The following ARHGEF2 variants were observed in gnomAD, a reference collection of about 807,000 sequenced individuals.
ARHGEF2 encodes rho guanine nucleotide exchange factor 2.
A neutral mutation model predicts 121.0 loss-of-function variants in ARHGEF2; 22 were observed. The observed-to-expected ratio is 0.18, with a 90% CI of 0.13 to 0.26. The LOEUF is 0.26. ARHGEF2 is among the 10% of genes least tolerant of loss of function. The pLI is 1.00. For synonymous variants in ARHGEF2, 487 were observed against 530.0 expected (o/e 0.92, Z 1.11); for missense variants, 907 against 1,336.0 (o/e 0.68, Z 5.01).
At chr1:155,957,558 T>C (rs1676941392) in intron 13 of ARHGEF2, among the ~76,000 whole-genome samples, 155 bp downstream of exon 13, 1 of 152,212 alleles carries the variant, frequency 6.6e-6, no homozygotes, top group African/African-American at 2.4e-5. Flanking sequence ...AGAACATAGG[T>C]GACCTTTCCA....
At chr1:155,964,622 G>C (rs915242660) in intron 7 of ARHGEF2, among the ~76,000 whole-genome samples, 2 of 151,986 alleles carry the variant, frequency 1.3e-5, no homozygotes, top group Admixed American at 6.6e-5. Context: ...GTAGGGGCTG[G>C]TAGAAAGAAG....
In ARHGEF2 at chr1:155,961,776, A is replaced by G. The variant is rs762747994; in HGVS notation, c.1353T>C (p.Pro451=). The change falls in exon 11 of 22, where the codon CCT becomes CCC. Residue 451 remains proline, a synonymous_variant. Coordinates refer to ENST00000361247, the MANE Select transcript of ARHGEF2 (RefSeq NM_001162383.2). This position sits in a 1 kb window ranked among gnomAD's most constrained non-coding sequence, Gnocchi z 4.7. ...RLQEIYNRMD[P]RAQTPVPGKG... is the part of the protein sequence containing the mutation. ...TGCCAGGCACTGGGGTTTGGGCCCG[A>G]GGGTCCATGCGGTTGTAGATCTCCT... 6.2e-7 allele frequency: 1 copy of G among 1,614,174 alleles called. No individual in the cohort carries two copies. Among genetic ancestry groups the G allele is most frequent in the Non-Finnish European group, 8.5e-7 (1 of 1,180,024 alleles).
At chr1:155,963,679 T>A (rs551054342) in intron 7 of ARHGEF2, among the ~76,000 whole-genome samples, 119 of 150,530 alleles carry the variant, frequency 7.9e-4, no homozygotes, top group South Asian at 1.5e-3. Context: ...ATTATTATTT[T>A]TTTTTTTCCA....
chr1:155,960,429 C>T (rs1453521793), intron 11 of ARHGEF2, among the ~76,000 whole-genome samples: 1 of 151,010 alleles, frequency 6.6e-6, no homozygotes, highest in East Asian at 1.9e-4. Context: ...GACTGCACCA[C>T]TGCACCCCAG....
intron 1 of ARHGEF2, among the ~76,000 whole-genome samples, chr1:155,973,449 A>C (rs1195825848): frequency 1.3e-5 from 2 of 152,234 alleles, no homozygotes; most frequent in African/African-American, 4.8e-5. Context: ...CTTTTGGGAA[A>C]GAAAGACAGG....
chr1:155,954,125 C>CCA lies in ARHGEF2; in HGVS notation c.1783+776_1783+777insTG, dbSNP rs1676100635. Reference sequence around the variant, plus strand: ...TACAGGTGTGTACCATCATGCCTAGCTATTTTTTTTTTTTTAATTTTTTGT... The same window carrying CCA: ...TACAGGTGTGTACCATCATGCCTAGCCATATTTTTTTTTTTTTAATTTTTTGT... On this transcript the variant is annotated intron_variant, in intron 14 of 21. Coordinates refer to ENST00000361247, the MANE Select transcript of ARHGEF2 (RefSeq NM_001162383.2). Among the ~76,000 whole-genome samples the CCA allele has an allele frequency of 1.1e-4, 5 of 46,792 alleles. No homozygotes were observed. The Admixed American group carries it at 1.8e-3, about 17-fold the overall frequency. The allele number at this position is 46,792 out of a possible 152,430, so 30.7% of individuals were successfully genotyped here.
chr1:155,958,473 G>A, intron 11 of ARHGEF2, 77 bp from the exon 12 acceptor site: 14 of 1,207,840 alleles, frequency 1.2e-5, no homozygotes, highest in Non-Finnish European at 1.7e-5. Flanking sequence ...CCAAGGACCA[G>A]GCTTATCCCA....
chr1:155,969,427 G>A, intron 1 of ARHGEF2, 127 bp from the exon 2 acceptor site: 1 of 1,508,056 alleles, frequency 6.6e-7, no homozygotes, highest in Non-Finnish European at 8.9e-7. Flanking sequence ...AAAGACACCA[G>A]TTCCTAAAGC....
Position 155,965,106 on chromosome 1 carries a change from C to T in ARHGEF2, c.606G>A (p.Met202Ile). The T allele has an allele frequency of 1.2e-6, 2 of 1,614,148 alleles. No individual in the cohort carries two copies. The highest frequency in any genetic ancestry group is 1.7e-6 in the Non-Finnish European group (2 of 1,180,030). ...CCTTCTCATCCATCTCAAAGTCACT[C>T]ATCAGCTCACTGTAGATTACCTCTG... is the stretch of plus-strand genomic sequence containing the variant. Reference protein sequence around the residue: ...DEAEVIYSELMSDFEMDEKDF... With the variant: ...DEAEVIYSELISDFEMDEKDF... Residue 202 changes from methionine to isoleucine, a missense_variant, in exon 7 of 22, where the codon ATG becomes ATA. Coordinates refer to ENST00000361247, the MANE Select transcript of ARHGEF2 (RefSeq NM_001162383.2). The surrounding 1 kb of genome is among the most constrained non-coding windows in gnomAD (Gnocchi z 6.0).
At chr1:155,960,979 T>C (rs1677789154) in intron 11 of ARHGEF2, among the ~76,000 whole-genome samples, 1 of 152,156 alleles carries the variant, frequency 6.6e-6, no homozygotes, top group South Asian at 2.1e-4. Flanking sequence ...CCTCTGGGCC[T>C]CCTCTGGCTG....
intron 1 of ARHGEF2, chr1:155,977,988 G>A (rs999636127): frequency 2.2e-4 from 159 of 739,190 alleles, no homozygotes; most frequent in Middle Eastern, 6.1e-4. Flanking sequence ...GGTGGGGCCC[G>A]GGGTGAGAGG....
At chr1:155,952,931 CAG>C in intron 14 of ARHGEF2, 103 bp from the exon 15 acceptor site, 1 of 1,069,540 alleles carries the variant, frequency 9.3e-7, no homozygotes, top group Non-Finnish European at 1.4e-6. Flanking sequence ...GGCAGTGTGG[CAG>C]ACTTAATTTT....
chr1:155,961,139 T>C lies in ARHGEF2; in HGVS notation c.1468+522A>G, dbSNP rs1029810775. Among the ~76,000 whole-genome samples the C allele has an allele frequency of 1.3e-5, 2 of 152,184 alleles. No individual in the cohort carries two copies. The highest frequency in any genetic ancestry group is 2.9e-5 in the Non-Finnish European group (2 of 68,028). ...AGGCATGCAAGGACCAAAGAAATTATAAAATACTGATAGGGAAGGCCCTGT... is the reference window on the plus strand; with the variant it reads ...AGGCATGCAAGGACCAAAGAAATTACAAAATACTGATAGGGAAGGCCCTGT... On this transcript the variant is annotated intron_variant, in intron 11 of 21. Transcript: ENST00000361247. The surrounding 1 kb of genome is among the most constrained non-coding windows in gnomAD (Gnocchi z 4.7).
chr1:155,977,900 C>A (rs930360662), intron 1 of ARHGEF2, among the ~76,000 whole-genome samples: 22 of 152,260 alleles, frequency 1.4e-4, no homozygotes, highest in Non-Finnish European at 2.6e-4. Flanking sequence ...TCCCCTCCGC[C>A]GGATGGCGGG....
chr1:155,957,850 T>C lies in ARHGEF2; in HGVS notation c.1578A>G (p.Leu526=). ...CCTGGTTGGCAATGTCTCGTACGAT[T>C]AGATTCTGCAGCGATACCACTGAAG... is the stretch of plus-strand genomic sequence containing the variant. ...DKPSVVSLQN[L]IVRDIANQEK... The change falls in exon 13 of 22, where the codon CTA becomes CTG. Residue 526 remains leucine, a synonymous_variant. Coordinates refer to ENST00000361247, the MANE Select transcript of ARHGEF2 (RefSeq NM_001162383.2). The C allele has an allele frequency of 6.2e-7, 1 of 1,614,206 alleles. No homozygotes were observed. The highest frequency in any genetic ancestry group is 8.5e-7 in the Non-Finnish European group (1 of 1,180,018).
intron 7 of ARHGEF2, among the ~76,000 whole-genome samples, chr1:155,964,417 A>T (rs1346689723): frequency 1.3e-5 from 2 of 151,614 alleles, no homozygotes; most frequent in Non-Finnish European, 2.9e-5. Flanking sequence ...TGTCTTCTAC[A>T]TGTCGAGGCT....
chr1:155,970,790 C>T (rs1048697823), intron 1 of ARHGEF2: 97 of 985,832 alleles, frequency 9.8e-5, no homozygotes, highest in Non-Finnish European at 1.1e-4. Context: ...GGACAGAGGG[C>T]ATGGGGCTGC....
rs1327463595 is a variant in ARHGEF2 at position 155,962,613 on chromosome 1, G to A, written c.1081C>T (p.Arg361Cys). 1 of 1,613,936 alleles carries A rather than the reference G, an allele frequency of 6.2e-7. No individual in the cohort carries two copies. Among genetic ancestry groups the A allele is most frequent in the African/African-American group, 1.3e-5 (1 of 74,910 alleles). Residue 361 changes from arginine to cysteine, a missense_variant, in exon 9 of 22, where the codon CGC (arginine) becomes TGC (cysteine). Coordinates refer to ENST00000361247, the MANE Select transcript of ARHGEF2 (RefSeq NM_001162383.2). The surrounding 1 kb of genome is among the most constrained non-coding windows in gnomAD (Gnocchi z 5.8). The stretch of plus-strand genomic sequence containing the variant: ...CTCACCCGGATGAATTGCTGGAAGC[G>A]TTTGTCTCGGGCGTACAGCTCCTTA... ...LYKELYARDK[R>C]FQQFIRKVTR...
chr1:155,962,363 G>T lies in ARHGEF2; in HGVS notation c.1102-141C>A. 4 of 1,039,614 alleles carry T rather than the reference G, an allele frequency of 3.8e-6. No homozygotes were observed. The highest frequency in any genetic ancestry group is 1.6e-5 in the African/African-American group (1 of 62,954). The allele number at this position is 1,039,614 out of a possible 1,614,324, so 64.4% of individuals were successfully genotyped here. A position where few individuals can be genotyped will look rare whatever the true frequency, so the allele number is the denominator to read the frequency against. On this transcript the variant is annotated intron_variant, in intron 9 of 21. Coordinates refer to ENST00000361247, the MANE Select transcript of ARHGEF2 (RefSeq NM_001162383.2). The surrounding 1 kb of genome is among the most constrained non-coding windows in gnomAD (Gnocchi z 5.8). ...ATATCTGGAAAATGGGGATAACAAC[G>T]CCACAGGTTTGTTGTGAGGACCAAC...
Sources: allele counts gnomAD v4.1 joint callset (sites outside exome capture counted in the v4.1 genomes callset), GRCh38; gene constraint gnomAD v4.1.1; non-coding constraint Gnocchi (gnomAD v3.1); transcripts MANE v1.5; gene names NCBI Gene and HGNC (gene_info 2026-07-23, HGNC 2026-07-21).